The following ERBB4 variants were observed in gnomAD, a reference collection of about 807,000 sequenced individuals.
ERBB4 encodes the protein receptor tyrosine-protein kinase erbB-4.
In ERBB4, 42 loss-of-function variants were observed where a neutral mutation model predicts 158.0. The ratio of observed to expected loss-of-function variants is 0.27; its 90% CI spans 0.21 to 0.34. The LOEUF is 0.34. Among genes scored for constraint, ERBB4 ranks in the 10% least tolerant of loss-of-function variants. The pLI is 1.00. For missense variants in ERBB4, 1,333 were observed against 1,624.1 expected, an observed-to-expected ratio of 0.82 and a Z score of 3.08; for synonymous variants, 583 against 558.7, an observed-to-expected ratio of 1.04 and a Z score of -0.61.
intron 3 of ERBB4, among the ~76,000 whole-genome samples, chr2:211,836,322 A>C (rs2077340974): frequency 6.6e-6 from 1 of 152,094 alleles, no homozygotes; most frequent in Non-Finnish European, 1.5e-5. Flanking sequence ...CATAAGGTAA[A>C]AAGTCACAGG....
In ERBB4 at chr2:211,678,504, G is replaced by C. The variant is rs16846737; in HGVS notation, c.1622+548C>G. Among the ~76,000 whole-genome samples the C allele has an allele frequency of 4.1e-3, 617 of 152,094 alleles. 4 individuals carry two copies. The highest frequency in any genetic ancestry group is 0.014 in the African/African-American group (584 of 41,500). On this transcript the variant is annotated intron_variant, in intron 13 of 27. Transcript: ENST00000342788. Reference sequence around the variant, plus strand: ...TAAATTGCTATAATAAGAATTGTCTGAGTATGTTTTTAAAAATGCATACAA... The same window carrying C: ...TAAATTGCTATAATAAGAATTGTCTCAGTATGTTTTTAAAAATGCATACAA...
At position 212,298,747 on chromosome 2, in the gene ERBB4, T is replaced by C. The variant is rs1327466746; in HGVS notation, c.83-173844A>G. Among the ~76,000 whole-genome samples the C allele has an allele frequency of 3.3e-5, 5 of 151,718 alleles. No homozygotes were observed. In the South Asian group the frequency reaches 6.2e-4, roughly 19 times the overall value. On this transcript the variant is annotated intron_variant, in intron 1 of 27. Transcript: ENST00000342788. The stretch of plus-strand genomic sequence containing the variant: ...TTTTTGCAGAGCTGCCTCCACAAGA[T>C]ACAATGAAATCAGACGCAATAGCAA...
At chr2:212,350,171 T>C (rs941668456) in intron 1 of ERBB4, among the ~76,000 whole-genome samples, 1 of 152,164 alleles carries the variant, frequency 6.6e-6, no homozygotes, top group African/African-American at 2.4e-5. Context: ...AGTAGATTAA[T>C]ACTTCCAATA....
intron 1 of ERBB4, among the ~76,000 whole-genome samples, chr2:212,259,580 T>G (rs556284725): frequency 6.6e-6 from 1 of 152,304 alleles, no homozygotes; most frequent in Non-Finnish European, 1.5e-5. Flanking sequence ...AATGTTTCCT[T>G]TGAATAACAA....
intron 3 of ERBB4, among the ~76,000 whole-genome samples, chr2:211,884,109 T>C (rs752911830): frequency 4.6e-5 from 7 of 152,194 alleles, no homozygotes; most frequent in Non-Finnish European, 7.3e-5. Flanking sequence ...CTATTCTAAG[T>C]TTCTCAGATC....
chr2:211,898,547 A>C (rs1295733335), intron 3 of ERBB4, among the ~76,000 whole-genome samples: 1 of 152,242 alleles, frequency 6.6e-6, no homozygotes, highest in Non-Finnish European at 1.5e-5. Flanking sequence ...CTATTCAAAA[A>C]CCATTTTCTG....
chr2:212,278,047 CTCTTT>C (rs1387052992), intron 1 of ERBB4, among the ~76,000 whole-genome samples: 3 of 151,556 alleles, frequency 2.0e-5, no homozygotes, highest in Admixed American at 1.3e-4. Context: ...GAAAAAATGT[CTCTTT>C]TCTTTTCAGC....
intron 3 of ERBB4, among the ~76,000 whole-genome samples, chr2:211,791,165 C>T (rs1261932001): frequency 6.6e-6 from 1 of 151,830 alleles, no homozygotes; most frequent in African/African-American, 2.4e-5. Flanking sequence ...AGAAGGACTG[C>T]CTAATGTTTC....
At chr2:211,524,588 G>A (rs1479543884) in intron 20 of ERBB4, among the ~76,000 whole-genome samples, 2 of 152,116 alleles carry the variant, frequency 1.3e-5, no homozygotes, top group African/African-American at 2.4e-5. Flanking sequence ...ACTGCTGGGG[G>A]ACCCAGTACA....
chr2:211,830,118 T>C (rs113136767), intron 3 of ERBB4, among the ~76,000 whole-genome samples: 61 of 152,304 alleles, frequency 4.0e-4, no homozygotes, highest in African/African-American at 1.4e-3. Flanking sequence ...ATTCTACTTA[T>C]CCACCCCCAT....
intron 20 of ERBB4, among the ~76,000 whole-genome samples, chr2:211,433,348 G>A (rs1184290336): frequency 6.6e-6 from 1 of 152,114 alleles, no homozygotes. Context: ...TTGGGAGGCC[G>A]AGGTGGGTGG....
At chr2:211,445,400 G>A (rs2064086319) in intron 20 of ERBB4, among the ~76,000 whole-genome samples, 1 of 152,110 alleles carries the variant, frequency 6.6e-6, no homozygotes, top group African/African-American at 2.4e-5. Flanking sequence ...GAGAGCATGA[G>A]ATAACTCAGA....
chr2:211,585,309 G>GCC (rs2068238293), intron 19 of ERBB4, among the ~76,000 whole-genome samples: 1 of 137,524 alleles, frequency 7.3e-6, no homozygotes, highest in Admixed American at 8.4e-5. Context: ...CGGAGATTGT[G>GCC]CCACTGCACT....
rs1356301870 is a variant in ERBB4, at chr2:212,324,471, GGTT to G, written c.83-199571_83-199569del. Among the ~76,000 whole-genome samples, 14 of 146,958 alleles carry G rather than the reference GGTT, an allele frequency of 9.5e-5. No homozygotes were observed. The South Asian group carries it at 2.8e-3, about 30-fold the overall frequency. ...AACCATGAACAGCTTAGGAGCAGCGGGTTTTTTGTTTTTGTTTTTTTTTCCTTT... is the reference window on the plus strand; with the variant it reads ...AACCATGAACAGCTTAGGAGCAGCGGTTTTGTTTTTGTTTTTTTTTCCTTT... On this transcript the variant is annotated intron_variant, in intron 1 of 27. Coordinates refer to ENST00000342788, the MANE Select transcript of ERBB4 (RefSeq NM_005235.3).
chr2:211,957,121 T>C (rs1419569484), intron 2 of ERBB4, among the ~76,000 whole-genome samples: 1 of 152,096 alleles, frequency 6.6e-6, no homozygotes, highest in East Asian at 1.9e-4. Flanking sequence ...TGAGCCACTG[T>C]GCCCAGCCAA....
At chr2:211,402,259 CCT>C (rs1486430450) in intron 25 of ERBB4, among the ~76,000 whole-genome samples, 1 of 151,952 alleles carries the variant, frequency 6.6e-6, no homozygotes, top group Non-Finnish European at 1.5e-5. Flanking sequence ...TAGTATCCTG[CCT>C]CTCTTATTTC....
intron 1 of ERBB4, among the ~76,000 whole-genome samples, chr2:212,374,647 G>GAAGA (rs1363225953): frequency 6.6e-6 from 1 of 151,830 alleles, no homozygotes; most frequent in African/African-American, 2.4e-5. Flanking sequence ...TTGTAAAGAG[G>GAAGA]AAGAACTAGA....
At chr2:211,794,718 G>A (rs764200278) in intron 3 of ERBB4, among the ~76,000 whole-genome samples, 1 of 151,484 alleles carries the variant, frequency 6.6e-6, no homozygotes, top group Non-Finnish European at 1.5e-5. Flanking sequence ...GATATTCCCC[G>A]GAAAAAATTA....
At chr2:211,772,748 TG>T (rs2075724815) in intron 4 of ERBB4, among the ~76,000 whole-genome samples, 1 of 142,676 alleles carries the variant, frequency 7.0e-6, no homozygotes, top group African/African-American at 2.6e-5. Context: ...TGGACTTAAG[TG>T]ATCCTCCTAC....
Sources: gnomAD v4.1 joint callset for allele counts (sites outside exome capture counted in the v4.1 genomes callset) on GRCh38, gnomAD v4.1.1 for gene constraint, MANE v1.5 for transcripts, NCBI Gene and HGNC (gene_info 2026-07-23, HGNC 2026-07-21) for gene names.